TMEM68: variants seen among roughly 807,000 people sequenced by gnomAD.
TMEM68 encodes the protein transmembrane protein 68.
TMEM68 carries 25 observed loss-of-function variants against 36.9 expected under a neutral mutation model. That is an observed-to-expected ratio of 0.68 (90% CI 0.49 to 0.95). TMEM68 has a LOEUF of 0.95. Among genes scored for constraint, TMEM68 ranks in the 40% least tolerant of loss-of-function variants. The pLI is 0.00. For synonymous variants in TMEM68, 131 were observed against 124.4 expected, an observed-to-expected ratio of 1.05 and a Z score of -0.35; for missense variants, 333 against 392.0, an observed-to-expected ratio of 0.85 and a Z score of 1.27.
In TMEM68 at chr8:55,750,961, C is replaced by T. The variant is rs779411717; in HGVS notation, c.687+3G>A. The T allele has an allele frequency of 6.3e-6, 10 of 1,599,196 alleles. No individual in the cohort carries two copies. In the African/African-American group the frequency reaches 9.5e-5, roughly 15 times the overall value. On this transcript the variant is annotated splice_donor_region_variant and intron_variant, in intron 5 of 7. Coordinates refer to ENST00000434581, the MANE Select transcript of TMEM68 (RefSeq NM_001286657.2). ...CTTCAATAATTAATTTTATATAACT[C>T]ACCACTTTTGCATCAATTGCAACCT... is the stretch of plus-strand genomic sequence containing the variant.
intron 1 of TMEM68, among the ~76,000 whole-genome samples, chr8:55,767,024 CTT>C (rs1810985724): frequency 6.6e-6 from 1 of 150,930 alleles, no homozygotes; most frequent in East Asian, 2.0e-4. Context: ...ACTTAAATAT[CTT>C]TCTGCCTCAG....
At chr8:55,754,535 TTATATTATA>T (rs945216652) in intron 4 of TMEM68, among the ~76,000 whole-genome samples, 13 of 134,576 alleles carry the variant, frequency 9.7e-5, no homozygotes, top group African/African-American at 3.7e-4. Context: ...TTACATATAC[TTATATTATA>T]TATATAATAC....
chr8:55,753,413 ATTATG>A (rs1162296054), intron 4 of TMEM68, among the ~76,000 whole-genome samples: 34 of 152,312 alleles, frequency 2.2e-4, no homozygotes, highest in African/African-American at 7.0e-4. Flanking sequence ...AAATGAAAAC[ATTATG>A]TTAAGATGGT....
intron 1 of TMEM68, among the ~76,000 whole-genome samples, chr8:55,766,969 T>C (rs942681894): frequency 8.5e-5 from 13 of 152,166 alleles, no homozygotes; most frequent in Non-Finnish European, 1.8e-4. Flanking sequence ...CAACCTGAGT[T>C]TGTATCCTGG....
At chr8:55,748,954 G>A (rs1456298477) in intron 5 of TMEM68, among the ~76,000 whole-genome samples, 2 of 152,198 alleles carry the variant, frequency 1.3e-5, no homozygotes, top group Non-Finnish European at 2.9e-5. Flanking sequence ...CACTAAAAAT[G>A]TGGGAGACAT....
At chr8:55,754,478 C>T (rs1190456077) in intron 4 of TMEM68, among the ~76,000 whole-genome samples, 3 of 137,962 alleles carry the variant, frequency 2.2e-5, no homozygotes, top group South Asian at 2.2e-4. Context: ...CACACACACA[C>T]ACACACACAC....
At position 55,758,212 on chromosome 8, in the gene TMEM68, T is replaced by C. The variant is rs182899051; in HGVS notation, c.326-1801A>G. Among the ~76,000 whole-genome samples the C allele has an allele frequency of 1.6e-3, 237 of 152,324 alleles. 1 individual carries two copies. Among genetic ancestry groups the C allele is most frequent in the African/African-American group, 5.2e-3 (218 of 41,588 alleles). On this transcript the variant is annotated intron_variant, in intron 3 of 7. Transcript: ENST00000434581. The stretch of plus-strand genomic sequence containing the variant: ...GATAACAGTAGGAGTCTGAAGTCTG[T>C]GCTGAACTGAAGGTAGCTGTAGCGC...
intron 7 of TMEM68, among the ~76,000 whole-genome samples, chr8:55,741,166 A>C (rs1172990526): frequency 6.6e-6 from 1 of 152,082 alleles, no homozygotes; most frequent in Non-Finnish European, 1.5e-5. Flanking sequence ...CAGGAGGCGG[A>C]GGTTGCAGTG....
At chr8:55,752,690 T>C (rs918916198) in intron 4 of TMEM68, among the ~76,000 whole-genome samples, 7 of 151,370 alleles carry the variant, frequency 4.6e-5, no homozygotes, top group African/African-American at 2.4e-5. Flanking sequence ...CAGGGAAGGA[T>C]TCATACATAA....
At chr8:55,746,317 C>CAAAAAAAAAAAAAAAA (rs376241142) in intron 5 of TMEM68, 2 of 57,194 alleles carry the variant, frequency 3.5e-5, no homozygotes, top group African/African-American at 7.7e-5. Flanking sequence ...CACTGTCTCC[C>CAAAAAAAAAAAAAAAA]AAAAAAAAAA....
At chr8:55,758,307 C>CA (rs1301160629) in intron 3 of TMEM68, among the ~76,000 whole-genome samples, 1 of 152,190 alleles carries the variant, frequency 6.6e-6, no homozygotes, top group African/African-American at 2.4e-5. Flanking sequence ...AATGGCCTGA[C>CA]AGATTCTTAG....
At chr8:55,754,113 T>TACAC (rs1212649823) in intron 4 of TMEM68, among the ~76,000 whole-genome samples, 1 of 149,404 alleles carries the variant, frequency 6.7e-6, no homozygotes, top group South Asian at 2.1e-4. Context: ...AATATGTATA[T>TACAC]ACACACACAC....
At chr8:55,763,715 A>AGCATGTTTTTATCTT (rs1810876953) in intron 2 of TMEM68, 1 of 41,120 alleles carries the variant, frequency 2.4e-5, no homozygotes, top group Non-Finnish European at 6.7e-5. Flanking sequence ...CACAAAAGAA[A>AGCATGTTTTTATCTT]ACATCAATAT....
At chr8:55,768,482 A>C (rs1811045327) in intron 1 of TMEM68, among the ~76,000 whole-genome samples, 1 of 152,120 alleles carries the variant, frequency 6.6e-6, no homozygotes, top group Non-Finnish European at 1.5e-5. Context: ...TGGGAGACTG[A>C]GGCAAGAGGA....
chr8:55,747,926 T>C (rs1221926092), intron 5 of TMEM68: 1 of 152,114 alleles, frequency 6.6e-6, no homozygotes, highest in East Asian at 1.9e-4. Context: ...ACTGGCATGA[T>C]CCCAGAATTC....
chr8:55,752,488 G>GA (rs2129953439), intron 4 of TMEM68, among the ~76,000 whole-genome samples: 1 of 152,032 alleles, frequency 6.6e-6, no homozygotes, highest in South Asian at 2.1e-4. Flanking sequence ...TCAGGAGGCT[G>GA]AGGCAGGGAG....
At chr8:55,762,425 T>C (rs1004806879) in intron 3 of TMEM68, 2 of 872,952 alleles carry the variant, frequency 2.3e-6, no homozygotes, top group Non-Finnish European at 3.3e-6. Context: ...GCGTGGTTCT[T>C]TGTTTAATGG....
At chr8:55,746,463 G>A (rs1810282274) in intron 5 of TMEM68, 1 of 150,860 alleles carries the variant, frequency 6.6e-6, no homozygotes, top group Non-Finnish European at 1.5e-5. Flanking sequence ...ATAAAATAAT[G>A]AAGTATTGAT....
chr8:55,765,077 A>T (rs1810922610), intron 1 of TMEM68, among the ~76,000 whole-genome samples: 2 of 152,168 alleles, frequency 1.3e-5, no homozygotes, highest in Admixed American at 1.3e-4. Context: ...CGTCTCAAAA[A>T]ATAAAAATAA....
Sources: allele counts gnomAD v4.1 joint callset (sites outside exome capture counted in the v4.1 genomes callset), GRCh38; gene constraint gnomAD v4.1.1; transcripts MANE v1.5; gene names NCBI Gene and HGNC (gene_info 2026-07-23, HGNC 2026-07-21).